Variants in VPS53 observed in about 807,000 individuals in gnomAD.
VPS53 encodes the protein VPS53 subunit of GARP complex, also known as vacuolar protein sorting-associated protein 53 homolog.
Under a neutral mutation model 107.0 loss-of-function variants are expected in VPS53, and 70 were observed. The observed-to-expected ratio is 0.65, with a 90% confidence interval of 0.54 to 0.80. VPS53 has a LOEUF of 0.80. VPS53 is among the 30% of genes least tolerant of loss of function. VPS53 has a pLI of 0.00. For synonymous variants in VPS53, 409 were observed against 393.3 expected (o/e 1.04, Z -0.47); for missense variants, 917 against 1,049.4 (o/e 0.87, Z 1.74).
At position 565,403 on chromosome 17, in the gene VPS53, C is replaced by CA. The variant is rs535932031; in HGVS notation, c.1314-2659dup. On this transcript the variant is annotated intron_variant, in intron 13 of 21. Coordinates refer to ENST00000437048, the MANE Select transcript of VPS53 (RefSeq NM_001128159.3). ...GGGCAACAAGAGCGAAACCCCATCT[C>CA]AAAAAAAAAAAAAAAAAAAAAAAGA... Among the ~76,000 whole-genome samples the CA allele has an allele frequency of 8.4e-3, 693 of 82,332 alleles. 10 individuals are homozygous for CA. Among genetic ancestry groups the CA allele is most frequent in the African/African-American group, 0.024 (511 of 21,380 alleles). The allele number at this position is 82,332 out of a possible 152,430, so 54.0% of individuals were successfully genotyped here.
At chr17:643,851 G>A (rs67588070) in intron 7 of VPS53, among the ~76,000 whole-genome samples, 4 of 152,072 alleles carry the variant, frequency 2.6e-5, no homozygotes, top group Admixed American at 6.6e-5. Context: ...ACACTCATAC[G>A]TGTCAACCCA....
rs1406079753 is a variant in VPS53 at position 597,410 on chromosome 17, C to A, written c.1218+4385G>T. Among the ~76,000 whole-genome samples the A allele has an allele frequency of 3.9e-5, 6 of 152,180 alleles. No individual in the cohort carries two copies. The East Asian group carries it at 9.6e-4, about 24-fold the overall frequency. On this transcript the variant is annotated intron_variant, in intron 12 of 21. Transcript: ENST00000437048. Reference sequence around the variant, plus strand: ...CTGGGGCGCCCACCTAATCAGCCACCAGCAAGGCCAGGGCTGGTGACGCAG... The same window carrying A: ...CTGGGGCGCCCACCTAATCAGCCACAAGCAAGGCCAGGGCTGGTGACGCAG...
chr17:708,004 C>T (rs767860614), intron 2 of VPS53, among the ~76,000 whole-genome samples: 1 of 152,218 alleles, frequency 6.6e-6, no homozygotes. Flanking sequence ...TCACTGTGCA[C>T]ATCTTATGTC....
chr17:601,842 T>C lies in VPS53; in HGVS notation c.1171A>G (p.Thr391Ala), dbSNP rs1468857701. The C allele has an allele frequency of 6.2e-7, 1 of 1,602,790 alleles. No individual in the cohort carries two copies. Among genetic ancestry groups the C allele is most frequent in the Non-Finnish European group, 8.5e-7 (1 of 1,174,182 alleles). ...GTTGCCAGTTCCTCCATCTCTGGTG[T>C]TGGCTCATCTTCCAGGAAGGGATTG... ...STNPFLEDEPTPEMEELATEK... is the reference protein window; with the variant it reads ...STNPFLEDEPAPEMEELATEK... The change falls in exon 12 of 22, where the codon ACA becomes GCA. Residue 391 changes from threonine (T) to alanine (A), a missense_variant. By Grantham distance (58) the Thr-to-Ala change is moderately conservative. Coordinates refer to ENST00000437048, the MANE Select transcript of VPS53 (RefSeq NM_001128159.3).
At chr17:578,730 G>C (rs1914885336) in intron 13 of VPS53, among the ~76,000 whole-genome samples, 1 of 151,020 alleles carries the variant, frequency 6.6e-6, no homozygotes, top group African/African-American at 2.4e-5. Context: ...AATTACCAGA[G>C]AACCTCCCTC....
At chr17:688,568 G>A (rs535087163) in intron 4 of VPS53, among the ~76,000 whole-genome samples, 3 of 152,222 alleles carry the variant, frequency 2.0e-5, no homozygotes, top group South Asian at 2.1e-4. Context: ...AACAGTTAAC[G>A]GACATTTTAT....
rs562845819 is a variant in VPS53, at chr17:566,885, C to T, written c.1314-4140G>A. On this transcript the variant is annotated intron_variant, in intron 13 of 21. Transcript: ENST00000437048. ...CAGCTTCCTGAGTAGCTGGGACTAC[C>T]GGCACACACCACCACAACCGGCTAA... Among the ~76,000 whole-genome samples the T allele has an allele frequency of 7.2e-5, 11 of 151,914 alleles. 1 individual carries two copies. The South Asian group carries it at 1.7e-3, about 23-fold the overall frequency.
In VPS53 at chr17:520,515, T is replaced by A. The variant is rs1908651439; in HGVS notation, c.2224-585A>T. Among the ~76,000 whole-genome samples, 1 of 152,200 alleles carries A rather than the reference T, an allele frequency of 6.6e-6. No individual in the cohort carries two copies. Among genetic ancestry groups the A allele is most frequent in the Non-Finnish European group, 1.5e-5 (1 of 68,032 alleles). On this transcript the variant is annotated intron_variant, in intron 20 of 21. Coordinates refer to ENST00000437048, the MANE Select transcript of VPS53 (RefSeq NM_001128159.3). This position sits in a 1 kb window ranked among gnomAD's most constrained non-coding sequence, Gnocchi z 4.4. ...AAAATCTGTAACTTCATGTAACGAC[T>A]AACTTAAACTATCAATTAACATACA... is the stretch of plus-strand genomic sequence containing the variant.
At chr17:558,496 T>C (rs546516934) in intron 15 of VPS53, among the ~76,000 whole-genome samples, 22 of 151,818 alleles carry the variant, frequency 1.4e-4, no homozygotes, top group African/African-American at 4.8e-4. Flanking sequence ...TAGCCAGGCG[T>C]GGTGATGGGA....
At position 578,271 on chromosome 17, in the gene VPS53, T is replaced by G. The variant is rs1480508986; in HGVS notation, c.1313+7999A>C. Among the ~76,000 whole-genome samples, 3 of 151,800 alleles carry G rather than the reference T, an allele frequency of 2.0e-5. No homozygotes were observed. In the East Asian group the frequency reaches 5.8e-4, roughly 30 times the overall value. ...GATCCTCCCTCAGAATTTAATGCGTTCCCAGAGAAATTCTCTCAGAACCTA... is the reference window on the plus strand; with the variant it reads ...GATCCTCCCTCAGAATTTAATGCGTGCCCAGAGAAATTCTCTCAGAACCTA... On this transcript the variant is annotated intron_variant, in intron 13 of 21. Transcript: ENST00000437048.
chr17:535,387 C>A (rs182612175), intron 18 of VPS53, among the ~76,000 whole-genome samples: 1 of 135,032 alleles, frequency 7.4e-6, no homozygotes, highest in African/African-American at 2.5e-5. Flanking sequence ...AGCTGGGAGA[C>A]GCCGGGACTG....
At chr17:617,509 C>T (rs1419906999) in intron 11 of VPS53, among the ~76,000 whole-genome samples, 1 of 152,204 alleles carries the variant, frequency 6.6e-6, no homozygotes, top group Non-Finnish European at 1.5e-5. Flanking sequence ...TAAAGTGATC[C>T]TCCTGTCTCA....
chr17:521,452 C>T (rs765301345), intron 20 of VPS53, 149 bp downstream of exon 20: 14 of 845,404 alleles, frequency 1.7e-5, no homozygotes, highest in Non-Finnish European at 2.1e-5. Context: ...TCAACAATAT[C>T]TGATGAGGCC....
Position 655,953 on chromosome 17 carries a change from C to G in VPS53, c.373G>C (p.Val125Leu). The change falls in exon 6 of 22, where the codon GTG becomes CTG. Residue 125 changes from valine (V) to leucine (L), a missense_variant and splice_region_variant. By Grantham distance (32) the Val-to-Leu change is conservative. Transcript: ENST00000437048. ...TTAATATCACGGGTGATTTCTTTCA[C>G]CTAAACATTGAAAAACCACAAGAAA... ...KDKAEKSEQM[V>L]KEITRDIKQL... 1 of 1,611,676 alleles carries G rather than the reference C, an allele frequency of 6.2e-7. No homozygotes were observed. The highest frequency in any genetic ancestry group is 8.5e-7 in the Non-Finnish European group (1 of 1,179,016).
rs1294690001 is a variant in VPS53 at position 519,937 on chromosome 17, C to T, written c.2224-7G>A. On this transcript the variant is annotated splice_region_variant and splice_polypyrimidine_tract_variant and intron_variant, in intron 20 of 21. Transcript: ENST00000437048. The surrounding 1 kb of genome is among the most constrained non-coding windows in gnomAD (Gnocchi z 5.0). ...CATGAGGGGCCATCACTACCTACAG[C>T]GGGAGGAGACAGGAGCAAGCCCCTC... 1.3e-5 allele frequency: 20 copies of T among 1,547,270 alleles called. No homozygotes were observed. The highest frequency in any genetic ancestry group is 2.7e-5 in the African/African-American group (2 of 72,918).
At position 515,062 on chromosome 17, in the gene VPS53, T is replaced by C. The variant is rs1597232318; in HGVS notation, c.*4066A>G. 2 of 152,300 alleles carry C rather than the reference T, an allele frequency of 1.3e-5. No individual in the cohort carries two copies. Among genetic ancestry groups the C allele is most frequent in the South Asian group, 4.1e-4 (2 of 4,824 alleles). The allele number at this position is 152,300 out of a possible 1,614,324, so 9.4% of individuals were successfully genotyped here. A position where few individuals can be genotyped will look rare whatever the true frequency, so the allele number is the denominator to read the frequency against. The stretch of plus-strand genomic sequence containing the variant: ...CTCAGTAAGAGCAGAGTGAACTCTT[T>C]ATTGATTATACAAATTACCACTATT... On this transcript the variant is annotated 3_prime_UTR_variant, in exon 22 of 22. Transcript: ENST00000437048.
chr17:575,603 A>C (rs1260603485), intron 13 of VPS53, among the ~76,000 whole-genome samples: 1 of 146,564 alleles, frequency 6.8e-6, no homozygotes, highest in Non-Finnish European at 1.5e-5. Context: ...ACCTCAATGC[A>C]TTCCCAGAGA....
chr17:587,829 T>C (rs1175510606), intron 12 of VPS53, among the ~76,000 whole-genome samples: 2 of 152,178 alleles, frequency 1.3e-5, no homozygotes, highest in South Asian at 2.1e-4. Context: ...ACTACTCATA[T>C]CTTATTTTTT....
chr17:601,700 G>T, intron 12 of VPS53, 95 bp downstream of exon 12: 1 of 903,830 alleles, frequency 1.1e-6, no homozygotes, highest in South Asian at 1.9e-5. Context: ...CTCTGAACGT[G>T]GCCAAGAGCC....
Sources: gnomAD v4.1 joint callset for allele counts (sites outside exome capture counted in the v4.1 genomes callset) on GRCh38, gnomAD v4.1.1 for gene constraint, Gnocchi (gnomAD v3.1) non-coding constraint, MANE v1.5 for transcripts, NCBI Gene and HGNC (gene_info 2026-07-23, HGNC 2026-07-21) for gene names.